The following TRNAU1AP variants were observed in gnomAD, a reference collection of about 807,000 sequenced individuals.
The protein encoded by TRNAU1AP is tRNA selenocysteine 1 associated protein 1, also known as tRNA selenocysteine 1-associated protein 1.
In TRNAU1AP, 33 loss-of-function variants were observed where a neutral mutation model predicts 43.3. The observed-to-expected ratio is 0.76, with a 90% CI of 0.58 to 1.02. The LOEUF (loss-of-function observed/expected upper bound fraction) is 1.02. Ranked by LOEUF, TRNAU1AP falls within the 50% of genes least tolerant of loss-of-function variation. The probability of loss-of-function intolerance (pLI) is 0.00; values close to 1 mark genes in which losing one functional copy is unlikely to be tolerated. For missense variants in TRNAU1AP, 290 were observed against 362.7 expected, an observed-to-expected ratio of 0.80 and a Z score of 1.63; for synonymous variants, 143 against 129.1, an observed-to-expected ratio of 1.11 and a Z score of -0.73.
chr1:28,564,666 G>A (rs1221050916), intron 4 of TRNAU1AP, 37 bp from the exon 5 acceptor site: 1 of 1,596,738 alleles, frequency 6.3e-7, no homozygotes. Flanking sequence ...AGAGGTTTTG[G>A]TCTTTGCCTC....
rs61583725 is a variant in TRNAU1AP, at chr1:28,560,279, C to CTTT, written c.126-339_126-337dup. Among the ~76,000 whole-genome samples the CTTT allele has an allele frequency of 2.8e-3, 384 of 137,762 alleles. 1 individual carries two copies. The highest frequency in any genetic ancestry group is 9.1e-3 in the African/African-American group (340 of 37,176). 90.4% of individuals were successfully genotyped at this position (137,762 alleles called of 152,430 possible). On this transcript the variant is annotated intron_variant, in intron 2 of 8. Coordinates refer to ENST00000373830, the MANE Select transcript of TRNAU1AP (RefSeq NM_017846.5). ...TTCAAGGCCAAGACCCATCTTGAGCCTTTTTTTTTTTTTTTTTAAAACAGT... is the reference window on the plus strand; with the variant it reads ...TTCAAGGCCAAGACCCATCTTGAGCCTTTTTTTTTTTTTTTTTTTTAAAACAGT...
At chr1:28,554,213 C>A (rs538189177) in intron 2 of TRNAU1AP, among the ~76,000 whole-genome samples, 10,166 of 135,046 alleles carry the variant, frequency 0.075, 945 homozygotes, top group African/African-American at 0.24. Flanking sequence ...AAAAAAAAAA[C>A]AAAAAAACAA....
intron 4 of TRNAU1AP, among the ~76,000 whole-genome samples, chr1:28,562,985 G>A (rs907267191): frequency 1.4e-5 from 2 of 146,360 alleles, no homozygotes; most frequent in African/African-American, 5.1e-5. Context: ...AATCTTTGCC[G>A]CCTGGGTCCA....
chr1:28,553,154 G>T lies in TRNAU1AP; in HGVS notation c.27+17G>T. ...ATGGGCGACGTGAGTGAGGGCAGCC[G>T]TCCGGGGTCTGAAGACAAGGAAGCA... On this transcript the variant is annotated intron_variant, in intron 1 of 8. Transcript: ENST00000373830. The T allele has an allele frequency of 6.6e-7, 1 of 1,512,490 alleles. No homozygotes were observed. Among genetic ancestry groups the T allele is most frequent in the Non-Finnish European group, 8.9e-7 (1 of 1,126,620 alleles). The allele number at this position is 1,512,490 out of a possible 1,614,324, so 93.7% of individuals were successfully genotyped here. A position where few individuals can be genotyped will look rare whatever the true frequency, so the allele number is the denominator to read the frequency against.
chr1:28,567,621 A>C (rs918982418), intron 6 of TRNAU1AP, among the ~76,000 whole-genome samples: 1 of 152,186 alleles, frequency 6.6e-6, no homozygotes. Context: ...AGTTGGGGAT[A>C]GAGTATGATT....
chr1:28,562,067 A>G (rs1665422156), intron 4 of TRNAU1AP, among the ~76,000 whole-genome samples: 2 of 152,224 alleles, frequency 1.3e-5, no homozygotes, highest in African/African-American at 4.8e-5. Flanking sequence ...TGGGCAACAG[A>G]GTGAGACCCT....
At position 28,577,907 on chromosome 1, in the gene TRNAU1AP, C is replaced by CA. The variant is rs776409000; in HGVS notation, c.*275dup. On this transcript the variant is annotated 3_prime_UTR_variant, in exon 9 of 9. Coordinates refer to ENST00000373830, the MANE Select transcript of TRNAU1AP (RefSeq NM_017846.5). ...CCACATAGGACAGTTTGGGATTATC[C>CA]AAAACTGGGATGAGCAGCTTGGGAT... 211 of 308,550 alleles carry CA rather than the reference C, an allele frequency of 6.8e-4. No homozygotes were observed. Among genetic ancestry groups the CA allele is most frequent in the African/African-American group, 4.4e-3 (201 of 45,636 alleles). The allele number at this position is 308,550 out of a possible 1,614,324, so 19.1% of individuals were successfully genotyped here.
chr1:28,560,177 T>C (rs1665374088), intron 2 of TRNAU1AP, among the ~76,000 whole-genome samples: 1 of 152,060 alleles, frequency 6.6e-6, no homozygotes, highest in Admixed American at 6.6e-5. Context: ...TTCAGGCTTG[T>C]AAATTAGGTC....
intron 6 of TRNAU1AP, 92 bp downstream of exon 6, chr1:28,567,505 T>C: frequency 7.0e-7 from 1 of 1,427,052 alleles, no homozygotes; most frequent in South Asian, 1.5e-5. Context: ...ATACGCTGGA[T>C]GGGAGGCTGA....
Position 28,574,077 on chromosome 1 carries a change from C to CTT in TRNAU1AP, c.727+2195_727+2196dup, listed in dbSNP as rs1178078009. Among the ~76,000 whole-genome samples the CTT allele has an allele frequency of 7.3e-3, 908 of 124,040 alleles. 10 individuals carry two copies. Among genetic ancestry groups the CTT allele is most frequent in the African/African-American group, 0.02 (635 of 31,958 alleles). The allele number at this position is 124,040 out of a possible 152,430, so 81.4% of individuals were successfully genotyped here. The stretch of plus-strand genomic sequence containing the variant: ...TGGGCAACATAACGAGACCCCATCT[C>CTT]TTTTTTTTTTTTTTTTTTTGGGAGA... On this transcript the variant is annotated intron_variant, in intron 8 of 8. Coordinates refer to ENST00000373830, the MANE Select transcript of TRNAU1AP (RefSeq NM_017846.5).
chr1:28,575,224 G>A (rs907045012), intron 8 of TRNAU1AP, among the ~76,000 whole-genome samples: 10 of 151,440 alleles, frequency 6.6e-5, no homozygotes, highest in Non-Finnish European at 8.8e-5. Flanking sequence ...GCACGATCTC[G>A]ACCCACTGTA....
At position 28,567,296 on chromosome 1, in the gene TRNAU1AP, G is replaced by C. The variant is rs772432714; in HGVS notation, c.413G>C (p.Gly138Ala). 1 of 1,611,454 alleles carries C rather than the reference G, an allele frequency of 6.2e-7. No homozygotes were observed. The highest frequency in any genetic ancestry group is 8.5e-7 in the Non-Finnish European group (1 of 1,179,338). ...AATTGTATATTTTTTTCATGCAGGG[G>C]TTATGGTTTTGTGAAATTCACAGAT... ...VVLDQTGVSKGYGFVKFTDEL... is the reference protein window; with the variant it reads ...VVLDQTGVSKAYGFVKFTDEL... Residue 138 changes from glycine to alanine, a missense_variant and splice_region_variant, in exon 6 of 9, where the codon GGT becomes GCT. Gly to Ala is a moderately conservative substitution (Grantham distance 60, BLOSUM62 0). Around this residue, in one of 3 missense-constraint regions of TRNAU1AP, gnomAD observed 174 missense variants for 262.1 expected, o/e 0.66. Transcript: ENST00000373830.
At chr1:28,558,560 A>ATTTTTT (rs756554853) in intron 2 of TRNAU1AP, among the ~76,000 whole-genome samples, 3 of 88,336 alleles carry the variant, frequency 3.4e-5, no homozygotes, top group Non-Finnish European at 4.2e-5. Flanking sequence ...CGCCCGACTA[A>ATTTTTT]TTTTTTTTTT....
intron 6 of TRNAU1AP, among the ~76,000 whole-genome samples, chr1:28,568,685 A>C (rs567563338): frequency 6.6e-6 from 1 of 152,190 alleles, no homozygotes; most frequent in Non-Finnish European, 1.5e-5. Context: ...CCAAGGATGT[A>C]CTAATGGCAC....
intron 2 of TRNAU1AP, among the ~76,000 whole-genome samples, chr1:28,559,134 C>T (rs1030639323): frequency 9.3e-5 from 14 of 150,870 alleles, no homozygotes; most frequent in East Asian, 2.0e-4. Flanking sequence ...TGCAGTGGCG[C>T]GATCTCGGCT....
chr1:28,577,287 T>G (rs947391805), intron 8 of TRNAU1AP, among the ~76,000 whole-genome samples: 7 of 152,176 alleles, frequency 4.6e-5, no homozygotes, highest in African/African-American at 1.7e-4. Context: ...TTTTAATAGA[T>G]GCAGGCTAAC....
In TRNAU1AP at chr1:28,577,784, C is replaced by A; in HGVS notation, c.*148C>A. 1 of 862,042 alleles carries A rather than the reference C, an allele frequency of 1.2e-6. No individual in the cohort carries two copies. The highest frequency in any genetic ancestry group is 1.8e-6 in the Non-Finnish European group (1 of 570,650). The allele number at this position is 862,042 out of a possible 1,614,324, so 53.4% of individuals were successfully genotyped here. Reference sequence around the variant, plus strand: ...CATGAATGTTTCTACAACACTGCTGCATTCATTTGACCATTTGAGTTTGAA... The same window carrying A: ...CATGAATGTTTCTACAACACTGCTGAATTCATTTGACCATTTGAGTTTGAA... On this transcript the variant is annotated 3_prime_UTR_variant, in exon 9 of 9. Coordinates refer to ENST00000373830, the MANE Select transcript of TRNAU1AP (RefSeq NM_017846.5).
At chr1:28,553,771 TCGTTGCAG>T (rs747922859) in intron 2 of TRNAU1AP, 34 bp downstream of exon 2, 1 of 1,564,290 alleles carries the variant, frequency 6.4e-7, no homozygotes, top group East Asian at 2.2e-5. Flanking sequence ...TTAATACATC[TCGTTGCAG>T]CTGTCATGTA....
rs1244917824 is a variant in TRNAU1AP at position 28,578,313 on chromosome 1, G to A, written c.*677G>A. On this transcript the variant is annotated 3_prime_UTR_variant, in exon 9 of 9. Coordinates refer to ENST00000373830, the MANE Select transcript of TRNAU1AP (RefSeq NM_017846.5). Reference sequence around the variant, plus strand: ...CAAAGCCAAAGCAGACCCTCCGTGTGAACTTTATACTGCTCACTTCCGTGT... The same window carrying A: ...CAAAGCCAAAGCAGACCCTCCGTGTAAACTTTATACTGCTCACTTCCGTGT... 1 of 166,046 alleles carries A rather than the reference G, an allele frequency of 6.0e-6. No homozygotes were observed. Among genetic ancestry groups the A allele is most frequent in the Non-Finnish European group, 1.3e-5 (1 of 76,008 alleles). 10.3% of individuals were successfully genotyped at this position (166,046 alleles called of 1,614,324 possible).
Sources: allele counts gnomAD v4.1 joint callset (sites outside exome capture counted in the v4.1 genomes callset), GRCh38; gene constraint gnomAD v4.1.1; regional missense constraint gnomAD v4.1.1; transcripts MANE v1.5; gene names NCBI Gene and HGNC (gene_info 2026-07-23, HGNC 2026-07-21).